The following TFB1M variants were observed in gnomAD, a reference collection of about 807,000 sequenced individuals.
TFB1M encodes the protein dimethyladenosine transferase 1, mitochondrial.
A neutral mutation model predicts 31.1 loss-of-function variants in TFB1M; 27 were observed. That is an observed-to-expected ratio of 0.87 (90% CI 0.64 to 1.20). TFB1M has a LOEUF of 1.20. TFB1M is among the 50% of genes most tolerant of loss of function. The pLI is 0.00. For synonymous variants in TFB1M, 166 were observed against 151.8 expected (o/e 1.09, Z -0.69); for missense variants, 394 against 418.7 (o/e 0.94, Z 0.51).
chr6:155,277,429 G>A (rs938839495), intron 5 of TFB1M, among the ~76,000 whole-genome samples: 4 of 152,020 alleles, frequency 2.6e-5, no homozygotes, highest in Admixed American at 6.6e-5. Flanking sequence ...GCCCACTATT[G>A]TTTCTAACAA....
intron 2 of TFB1M, among the ~76,000 whole-genome samples, chr6:155,304,255 C>A (rs931725366): frequency 6.6e-6 from 1 of 152,100 alleles, no homozygotes; most frequent in African/African-American, 2.4e-5. Flanking sequence ...GCACTCCAGC[C>A]TGGGCACCAG....
At chr6:155,284,998 AT>A (rs1776561844) in intron 5 of TFB1M, among the ~76,000 whole-genome samples, 159 bp downstream of exon 5, 1 of 152,204 alleles carries the variant, frequency 6.6e-6, no homozygotes, top group Admixed American at 6.5e-5. Context: ...AGAACTAGCT[AT>A]TCATATTACG....
intron 4 of TFB1M, among the ~76,000 whole-genome samples, chr6:155,288,786 C>CCAGA (rs1776778190): frequency 6.6e-6 from 1 of 152,088 alleles, no homozygotes. Flanking sequence ...AAATCACAGA[C>CCAGA]CAGAAAGCTC....
Position 155,257,536 on chromosome 6 carries a change from T to A in TFB1M, c.*300A>T. 1 of 377,372 alleles carries A rather than the reference T, an allele frequency of 2.6e-6. No individual in the cohort carries two copies. Among genetic ancestry groups the A allele is most frequent in the Non-Finnish European group, 4.7e-6 (1 of 210,726 alleles). The allele number at this position is 377,372 out of a possible 1,614,324, so 23.4% of individuals were successfully genotyped here. On this transcript the variant is annotated 3_prime_UTR_variant, in exon 7 of 7. Transcript: ENST00000367166. ...TATTTAAAGCATATTTAAGTTATTT[T>A]AATGTGGTTTAGGGGCAAAATGTGC... is the stretch of plus-strand genomic sequence containing the variant.
At chr6:155,290,054 C>T (rs1220986542) in intron 4 of TFB1M, among the ~76,000 whole-genome samples, 1 of 152,118 alleles carries the variant, frequency 6.6e-6, no homozygotes, top group Non-Finnish European at 1.5e-5. Flanking sequence ...AAATAAATTA[C>T]CCAGTCTCAG....
the TFB1M span, among the ~76,000 whole-genome samples, chr6:155,238,860 C>G: frequency 6.6e-6 from 1 of 152,204 alleles, no homozygotes; most frequent in African/African-American, 2.4e-5. Flanking sequence ...AGCAGGCCCT[C>G]AATTGATGAC....
chr6:155,294,097 G>A (rs143522410), intron 4 of TFB1M, among the ~76,000 whole-genome samples: 184 of 152,218 alleles, frequency 1.2e-3, no homozygotes, highest in South Asian at 3.9e-3. Flanking sequence ...GTGCTGACAG[G>A]GATCAACGAG....
At chr6:155,244,885 TATTGA>T in the TFB1M span, 2 of 1,352,882 alleles carry the variant, frequency 1.5e-6, no homozygotes, top group South Asian at 1.6e-5. Flanking sequence ...GTCCTGTGAC[TATTGA>T]CTATTTATTG....
chr6:155,298,700 G>T, intron 2 of TFB1M, 115 bp from the exon 3 acceptor site: 1 of 708,686 alleles, frequency 1.4e-6, no homozygotes, highest in South Asian at 1.5e-5. Flanking sequence ...GACCAGGGGT[G>T]ATCATTAATG....
chr6:155,281,738 A>AAAAG (rs1785512300), intron 5 of TFB1M, among the ~76,000 whole-genome samples: 1 of 151,204 alleles, frequency 6.6e-6, no homozygotes, highest in African/African-American at 2.4e-5. Flanking sequence ...AAAAAAAAAA[A>AAAAG]AAAAAAAATA....
chr6:155,276,152 G>C (rs773784666), intron 5 of TFB1M: 1 of 1,614,170 alleles, frequency 6.2e-7, no homozygotes, highest in African/African-American at 1.3e-5. Context: ...GGAGATCATA[G>C]CAAACTTTCT....
chr6:155,304,964 AG>A (rs1435471446), intron 2 of TFB1M, among the ~76,000 whole-genome samples: 1 of 150,706 alleles, frequency 6.6e-6, no homozygotes, highest in African/African-American at 2.4e-5. Flanking sequence ...CAATTCAATG[AG>A]GAAAAGACAG....
In TFB1M at chr6:155,257,360, A is replaced by T; in HGVS notation, c.*476T>A. The T allele has an allele frequency of 2.0e-6, 1 of 501,606 alleles. No individual in the cohort carries two copies. Among genetic ancestry groups the T allele is most frequent in the Non-Finnish European group, 3.5e-6 (1 of 287,332 alleles). The allele number at this position is 501,606 out of a possible 1,614,324, so 31.1% of individuals were successfully genotyped here. On this transcript the variant is annotated 3_prime_UTR_variant, in exon 7 of 7. Transcript: ENST00000367166. ...TAGTTTATATCCACTTTGAGCAGGT[A>T]TCAAATGATTTAGGATCCTTAAAAT...
the TFB1M span, among the ~76,000 whole-genome samples, chr6:155,232,036 G>A: frequency 6.6e-6 from 1 of 152,174 alleles, no homozygotes; most frequent in Non-Finnish European, 1.5e-5. Flanking sequence ...AGCCGAGATC[G>A]TGCCACTGCA....
rs3940 is a variant in TFB1M at position 155,257,622 on chromosome 6, A to G, written c.*214T>C. On this transcript the variant is annotated 3_prime_UTR_variant, in exon 7 of 7. Coordinates refer to ENST00000367166, the MANE Select transcript of TFB1M (RefSeq NM_016020.4). ...TGCTGTTTATACTAAACATGTCATA[A>G]CTATCTATACAGTATATATTAAAAG... The G allele has an allele frequency of 1.8e-6, 1 of 556,770 alleles. No homozygotes were observed. 34.5% of individuals were successfully genotyped at this position (556,770 alleles called of 1,614,324 possible).
In TFB1M at chr6:155,256,738, C is replaced by T. The variant is rs114433866; in HGVS notation, c.*1098G>A. 3,925 of 1,614,214 alleles carry T rather than the reference C, an allele frequency of 2.4e-3. 124 individuals are homozygous for T. The South Asian group carries it at 0.04, about 16-fold the overall frequency. On this transcript the variant is annotated 3_prime_UTR_variant, in exon 7 of 7. Coordinates refer to ENST00000367166, the MANE Select transcript of TFB1M (RefSeq NM_016020.4). ...CATCCTGAGCGATGAAGATGATGAC[C>T]ACCGTCAGACTGTGAAGCAGGGCAG... is the stretch of plus-strand genomic sequence containing the variant.
In TFB1M at chr6:155,286,645, GTGTGTA is replaced by G. The variant is rs1158925508; in HGVS notation, c.547-1374_547-1369del. The stretch of plus-strand genomic sequence containing the variant: ...TATATATGTGTGCATATATGTGTGT[GTGTGTA>G]TATATATATGTATATATACATATAT... On this transcript the variant is annotated intron_variant, in intron 4 of 6. Coordinates refer to ENST00000367166, the MANE Select transcript of TFB1M (RefSeq NM_016020.4). 2.0e-4 allele frequency among the ~76,000 whole-genome samples: 26 copies of G among 129,796 alleles called. No homozygotes were observed. The Admixed American group carries it at 2.4e-3, about 12-fold the overall frequency. 85.2% of individuals were successfully genotyped at this position (129,796 alleles called of 152,430 possible).
downstream of TFB1M, chr6:155,253,201 G>C: frequency 1.5e-6 from 1 of 657,708 alleles, no homozygotes; most frequent in Non-Finnish European, 2.6e-6. Flanking sequence ...TTGTTTTGAT[G>C]TTCCTTAGCA....
At chr6:155,230,484 C>T in the TFB1M span, among the ~76,000 whole-genome samples, 6 of 152,310 alleles carry the variant, frequency 3.9e-5, no homozygotes, top group South Asian at 1.2e-3. Flanking sequence ...ACTTTCGGCA[C>T]TGGTCACCTT....
Sources: allele counts gnomAD v4.1 joint callset (sites outside exome capture counted in the v4.1 genomes callset), GRCh38; gene constraint gnomAD v4.1.1; transcripts MANE v1.5; gene names NCBI Gene and HGNC (gene_info 2026-07-23, HGNC 2026-07-21).